The following CEP250 variants were observed in gnomAD, a reference collection of about 807,000 sequenced individuals.
CEP250 encodes centrosome-associated protein CEP250.
A neutral mutation model predicts 315.7 loss-of-function variants in CEP250; 242 were observed. That is an observed-to-expected ratio of 0.77 (90% CI 0.69 to 0.85). CEP250 has a LOEUF of 0.85. CEP250 is among the 40% of genes least tolerant of loss of function. The probability of loss-of-function intolerance (pLI) is 0.00; values close to 1 mark genes in which losing one functional copy is unlikely to be tolerated. For missense variants in CEP250, 2,515 were observed against 2,886.4 expected, an observed-to-expected ratio of 0.87 and a Z score of 2.95; for synonymous variants, 1,088 against 1,175.0, an observed-to-expected ratio of 0.93 and a Z score of 1.51.
rs1253661871 is a variant in CEP250, at chr20:35,467,377, G to A, written c.673G>A (p.Val225Met). ...GTTGACCTGTTGTCTGCGCTTGACTGTGGGAGCACAGTCTCGGGAACCCAA... is the reference window on the plus strand; with the variant it reads ...GTTGACCTGTTGTCTGCGCTTGACTATGGGAGCACAGTCTCGGGAACCCAA... ...SLLTCCLRLT[V>M]GAQSREPNGS... Residue 225 changes from valine (V) to methionine (M), a missense_variant, in exon 9 of 35, where the codon GTG (valine) becomes ATG (methionine). Coordinates refer to ENST00000397527, the MANE Select transcript of CEP250 (RefSeq NM_007186.6). The A allele has an allele frequency of 6.2e-7, 1 of 1,614,098 alleles. No individual in the cohort carries two copies. Among genetic ancestry groups the A allele is most frequent in the African/African-American group, 1.3e-5 (1 of 74,928 alleles).
intron 28 of CEP250, among the ~76,000 whole-genome samples, chr20:35,500,538 G>T (rs1180796616): frequency 6.6e-6 from 1 of 152,192 alleles, no homozygotes; most frequent in Non-Finnish European, 1.5e-5. Context: ...AACCCTGTCT[G>T]GAATTGAGGG....
chr20:35,461,218 A>G lies in CEP250; in HGVS notation c.-103-1047A>G, dbSNP rs761411543. 2.4e-4 allele frequency among the ~76,000 whole-genome samples: 36 copies of G among 152,234 alleles called. 1 individual carries two copies. Among genetic ancestry groups the G allele is most frequent in the Non-Finnish European group, 8.8e-5 (6 of 68,026 alleles). On this transcript the variant is annotated intron_variant, in intron 3 of 34. Transcript: ENST00000397527. Reference sequence around the variant, plus strand: ...GATATTCCTTAGCCCTGCTGGTGAGAGTCTTAGGGTTAATAAAATGAGAGA... The same window carrying G: ...GATATTCCTTAGCCCTGCTGGTGAGGGTCTTAGGGTTAATAAAATGAGAGA...
At chr20:35,470,221 T>C (rs2062991279) in intron 10 of CEP250, 2 of 576,090 alleles carry the variant, frequency 3.5e-6, no homozygotes, top group African/African-American at 1.9e-5. Flanking sequence ...CAATGGCATA[T>C]GTATGCAGTG....
At chr20:35,487,422 A>G (rs745652762) in intron 20 of CEP250, among the ~76,000 whole-genome samples, 9 of 152,128 alleles carry the variant, frequency 5.9e-5, no homozygotes, top group Admixed American at 5.2e-4. Flanking sequence ...GTGAGCCAAG[A>G]TCGCACCACT....
chr20:35,494,333 T>C, intron 23 of CEP250, 191 bp from the exon 24 acceptor site: 1 of 656,788 alleles, frequency 1.5e-6, no homozygotes, highest in Non-Finnish European at 2.5e-6. Flanking sequence ...GGGAGGCAGA[T>C]GACCAGGCCG....
intron 30 of CEP250, among the ~76,000 whole-genome samples, chr20:35,505,811 A>T (rs897017317): frequency 7.9e-5 from 12 of 152,052 alleles, no homozygotes; most frequent in African/African-American, 2.7e-4. Flanking sequence ...AGGATTTGGG[A>T]AGAGACCGGA....
chr20:35,497,249 A>G (rs1268894404), intron 25 of CEP250, among the ~76,000 whole-genome samples: 4 of 152,182 alleles, frequency 2.6e-5, no homozygotes, highest in African/African-American at 4.8e-5. Flanking sequence ...GTTTGAATGT[A>G]AGCTTTCTAA....
In CEP250 at chr20:35,470,881, C is replaced by G. The variant is rs190511102; in HGVS notation, c.948+895C>G. Among the ~76,000 whole-genome samples, 253 of 152,280 alleles carry G rather than the reference C, an allele frequency of 1.7e-3. 3 individuals are homozygous for G. The highest frequency in any genetic ancestry group is 5.9e-3 in the African/African-American group (245 of 41,564). On this transcript the variant is annotated intron_variant, in intron 10 of 34. Transcript: ENST00000397527. ...GCTGTTAAGTAGTTGAACAGCCTGT[C>G]TTGTGAAGGAGTAAGGTTTTGGTCA... is the stretch of plus-strand genomic sequence containing the variant.
chr20:35,479,569 C>T (rs2146880864), intron 18 of CEP250, 77 bp from the exon 19 acceptor site: 6 of 1,578,940 alleles, frequency 3.8e-6, no homozygotes, highest in South Asian at 1.2e-5. Context: ...GTAGCCAATA[C>T]TTAGAACCCA....
chr20:35,462,154 A>G (rs531814645), intron 3 of CEP250, 111 bp from the exon 4 acceptor site: 5 of 436,312 alleles, frequency 1.1e-5, no homozygotes, highest in Non-Finnish European at 2.1e-5. Flanking sequence ...GATGCTCATC[A>G]TAGCGCCCTT....
Position 35,511,840 on chromosome 20 carries a change from A to G in CEP250, c.*214A>G, listed in dbSNP as rs1043544135. 34 of 1,395,312 alleles carry G rather than the reference A, an allele frequency of 2.4e-5. No individual in the cohort carries two copies. The highest frequency in any genetic ancestry group is 2.6e-4 in the Middle Eastern group (1 of 3,798). 86.4% of individuals were successfully genotyped at this position (1,395,312 alleles called of 1,614,324 possible). A position where few individuals can be genotyped will look rare whatever the true frequency, so the allele number is the denominator to read the frequency against. ...GGCAAATTGCATTTGCTTGCTCCCT[A>G]TGGAATCACCCAGAGGGGTGCCTTG... On this transcript the variant is annotated 3_prime_UTR_variant, in exon 35 of 35. Coordinates refer to ENST00000397527, the MANE Select transcript of CEP250 (RefSeq NM_007186.6).
chr20:35,465,662 G>A (rs1343647800), intron 5 of CEP250, 81 bp from the exon 6 acceptor site: 2 of 952,944 alleles, frequency 2.1e-6, no homozygotes, highest in Non-Finnish European at 3.1e-6. Context: ...AAAGTGGACT[G>A]CCATGGAAGG....
chr20:35,508,377 C>A (rs897326201), intron 32 of CEP250, among the ~76,000 whole-genome samples, 187 bp downstream of exon 32: 3 of 151,850 alleles, frequency 2.0e-5, no homozygotes, highest in Admixed American at 2.0e-4. Context: ...TGGAATGGTA[C>A]GATCTCCGCT....
chr20:35,465,247 C>A (rs948776405), intron 5 of CEP250, among the ~76,000 whole-genome samples: 2 of 152,022 alleles, frequency 1.3e-5, no homozygotes, highest in Admixed American at 6.6e-5. Context: ...TGGCGAAACC[C>A]CATCTCTACT....
chr20:35,498,210 C>A, intron 26 of CEP250, 143 bp downstream of exon 26: 2 of 713,236 alleles, frequency 2.8e-6, no homozygotes, highest in Non-Finnish European at 4.4e-6. Context: ...GAGTTTAAGC[C>A]CCAGCTCTAC....
At chr20:35,493,402 A>G (rs773060696) in intron 22 of CEP250, 27 bp from the exon 23 acceptor site, 2 of 1,519,262 alleles carry the variant, frequency 1.3e-6, no homozygotes, top group South Asian at 1.3e-5. Flanking sequence ...GATTTCCTCT[A>G]CTCAATGATT....
chr20:35,485,142 G>C (rs2063473148), intron 20 of CEP250, among the ~76,000 whole-genome samples: 1 of 151,872 alleles, frequency 6.6e-6, no homozygotes, highest in Admixed American at 6.6e-5. Context: ...GGAGGCCTAG[G>C]TGGCCGGATC....
rs41290928 is a variant in CEP250 at position 35,508,321 on chromosome 20, T to G, written c.6906+131T>G. On this transcript the variant is annotated intron_variant, in intron 32 of 34. Coordinates refer to ENST00000397527, the MANE Select transcript of CEP250 (RefSeq NM_007186.6). ...CTGTTTCTGAAAATTAAGTTTGTTTTTTTTTTTCCCGAGACAGAGTCTTGC... is the reference window on the plus strand; with the variant it reads ...CTGTTTCTGAAAATTAAGTTTGTTTGTTTTTTTCCCGAGACAGAGTCTTGC... The G allele has an allele frequency of 1.2e-4, 128 of 1,028,614 alleles. No homozygotes were observed. The East Asian group carries it at 1.8e-3, about 14-fold the overall frequency. The allele number at this position is 1,028,614 out of a possible 1,614,324, so 63.7% of individuals were successfully genotyped here.
intron 9 of CEP250, among the ~76,000 whole-genome samples, chr20:35,468,947 G>A (rs1450977331): frequency 1.3e-5 from 2 of 152,158 alleles, no homozygotes; most frequent in African/African-American, 4.8e-5. Context: ...AAAGTTCTAG[G>A]ATTACCGGTT....
Sources: gnomAD v4.1 joint callset for allele counts (sites outside exome capture counted in the v4.1 genomes callset) on GRCh38, gnomAD v4.1.1 for gene constraint, MANE v1.5 for transcripts, NCBI Gene and HGNC (gene_info 2026-07-23, HGNC 2026-07-21) for gene names.